Variants in GK observed in about 807,000 individuals in gnomAD.
The protein encoded by GK is ATP:glycerol 3-phosphotransferase.
A neutral mutation model predicts 56.4 loss-of-function variants in GK; 9 were observed. The observed-to-expected ratio is 0.16, with a 90% CI of 0.10 to 0.28. GK has a LOEUF of 0.28. Ranked by LOEUF, GK falls within the 10% of genes least tolerant of loss-of-function variation. GK has a pLI of 1.00. For synonymous variants in GK, 104 were observed against 144.1 expected (o/e 0.72, Z 1.99); for missense variants, 161 against 431.4 (o/e 0.37, Z 5.55).
At chrX:30,669,963 T>C (rs1449603610) in intron 3 of GK, among the ~76,000 whole-genome samples, 1 of 112,560 alleles carries the variant, frequency 8.9e-6, no homozygotes, top group East Asian at 2.8e-4. Flanking sequence ...TTTAAAAGTA[T>C]AATTTGATAT....
intron 4 of GK, among the ~76,000 whole-genome samples, chrX:30,688,501 C>CAAA (rs34773549): frequency 5.9e-5 from 2 of 33,868 alleles, no homozygotes; most frequent in Non-Finnish European, 1.1e-4. Flanking sequence ...GACTCTGTCT[C>CAAA]AAAAAAAAAA....
intron 13 of GK, 47 bp downstream of exon 13, chrX:30,708,181 C>A: frequency 1.5e-6 from 1 of 680,512 alleles, no homozygotes; most frequent in Admixed American, 2.6e-5. Context: ...ACATTCAAAG[C>A]TAATAAAAAT....
chrX:30,653,831 G>A (rs1034690207), intron 1 of GK, among the ~76,000 whole-genome samples: 1 of 112,742 alleles, frequency 8.9e-6, no homozygotes, highest in Admixed American at 9.3e-5. Flanking sequence ...GAGTTGAACA[G>A]TCGCAGTTTT....
chrX:30,727,039 A>G (rs1937164745), intron 19 of GK, among the ~76,000 whole-genome samples: 1 of 112,600 alleles, frequency 8.9e-6, no homozygotes, highest in Non-Finnish European at 1.9e-5. Context: ...TTTTAAATTC[A>G]TCTTAGGACA....
intron 3 of GK, chrX:30,674,527 C>T (rs1327606494): frequency 4.3e-6 from 1 of 230,197 alleles, no homozygotes; most frequent in Non-Finnish European, 8.2e-6. Context: ...ATTCCCAGCC[C>T]CATCCATCCC....
At chrX:30,695,270 C>A in intron 6 of GK, 3 of 421,031 alleles carry the variant, frequency 7.1e-6, no homozygotes, top group Non-Finnish European at 1.0e-5. Context: ...TCTCCATGTG[C>A]TTGGCCAGGG....
At chrX:30,697,106 A>T (rs939787663) in intron 8 of GK, among the ~76,000 whole-genome samples, 1 of 112,937 alleles carries the variant, frequency 8.9e-6, no homozygotes, top group African/African-American at 3.2e-5. Context: ...AGCAAAATTT[A>T]GCAAAGAAAC....
rs1367720446 is a variant in GK at position 30,728,868 on chromosome X, A to G, written c.*126A>G. 1.1e-5 allele frequency: 6 copies of G among 547,105 alleles called. No individual in the cohort carries two copies. Among genetic ancestry groups the G allele is most frequent in the East Asian group, 6.6e-5 (2 of 30,249 alleles). The allele number at this position is 547,105 out of a possible 1,213,427, so 45.1% of individuals were successfully genotyped here. On this transcript the variant is annotated 3_prime_UTR_variant, in exon 21 of 21. Transcript: ENST00000427190. ...ATTTTATTTATAAGCCACTTGCTGC[A>G]TGACCCTCCAAGTAGACCTGTGGCT...
intron 3 of GK, chrX:30,671,856 A>C (rs1933529358): frequency 9.0e-6 from 1 of 111,401 alleles, no homozygotes. Flanking sequence ...AAATACAAAG[A>C]GTTACGGCTG....
intron 18 of GK, among the ~76,000 whole-genome samples, chrX:30,722,544 C>G (rs1428101731): frequency 9.0e-6 from 1 of 111,539 alleles, no homozygotes; most frequent in African/African-American, 3.3e-5. Flanking sequence ...TCCTCCCTCT[C>G]ACCAGCCCTC....
At chrX:30,689,971 C>T (rs1934847238) in intron 4 of GK, among the ~76,000 whole-genome samples, 1 of 111,541 alleles carries the variant, frequency 9.0e-6, no homozygotes, top group Non-Finnish European at 1.9e-5. Context: ...GTATCTTGTC[C>T]TGAAGTCCCC....
At chrX:30,699,345 T>TTA (rs1416140816) in intron 9 of GK, among the ~76,000 whole-genome samples, 38 of 95,474 alleles carry the variant, frequency 4.0e-4, no homozygotes, top group Admixed American at 4.8e-4. Context: ...CACATACGTT[T>TTA]TATATATATA....
intron 5 of GK, among the ~76,000 whole-genome samples, chrX:30,693,124 C>G (rs1935067536): frequency 9.9e-6 from 1 of 100,620 alleles, no homozygotes; most frequent in Non-Finnish European, 2.0e-5. Flanking sequence ...TCATGCCATT[C>G]TCCTGCCTCA....
At chrX:30,698,866 C>CAAAAAAA (rs386416832) in intron 9 of GK, among the ~76,000 whole-genome samples, 141 of 41,893 alleles carry the variant, frequency 3.4e-3, no homozygotes, top group Middle Eastern at 0.043. Flanking sequence ...AACTCCATCT[C>CAAAAAAA]AAAAAAAAAA....
chrX:30,684,699 T>G (rs1328975594), intron 4 of GK, among the ~76,000 whole-genome samples: 1 of 97,255 alleles, frequency 1.0e-5, no homozygotes, highest in East Asian at 3.1e-4. Context: ...AAAAAAGCAT[T>G]CACAGTAGGG....
chrX:30,700,258 T>A (rs1393606087), intron 9 of GK, 156 bp from the exon 10 acceptor site: 1 of 435,222 alleles, frequency 2.3e-6, no homozygotes, highest in Non-Finnish European at 4.0e-6. Context: ...ACTTGTAGTA[T>A]CTGTCTCTTT....
chrX:30,657,352 G>C (rs2147120212), intron 1 of GK, among the ~76,000 whole-genome samples: 1 of 112,270 alleles, frequency 8.9e-6, no homozygotes, highest in East Asian at 2.8e-4. Flanking sequence ...TTATCTGATA[G>C]GAAAGTGAAT....
chrX:30,682,725 G>C (rs1406974735), intron 4 of GK, among the ~76,000 whole-genome samples: 1 of 111,438 alleles, frequency 9.0e-6, no homozygotes, highest in Admixed American at 9.5e-5. Context: ...TTTTTTCTCT[G>C]TCTCGGTTCA....
chrX:30,677,897 A>G, intron 4 of GK: 1 of 507,490 alleles, frequency 2.0e-6, no homozygotes, highest in South Asian at 2.7e-5. Context: ...GATGGGCAGA[A>G]GAGTCTGCTA....
Sources: gnomAD v4.1 joint callset for allele counts (sites outside exome capture counted in the v4.1 genomes callset) on GRCh38, gnomAD v4.1.1 for gene constraint, MANE v1.5 for transcripts, NCBI Gene and HGNC (gene_info 2026-07-23, HGNC 2026-07-21) for gene names.